KCNMA1: variants seen among roughly 807,000 people sequenced by gnomAD.
KCNMA1 encodes the protein potassium calcium-activated channel subfamily M alpha 1, also known as Calcium-activated potassium channel subunit alpha-1.
A neutral mutation model predicts 140.0 loss-of-function variants in KCNMA1; 29 were observed. That is an observed-to-expected ratio of 0.21 (90% CI 0.15 to 0.28). KCNMA1 has a LOEUF of 0.28. Ranked by LOEUF, KCNMA1 falls within the 10% of genes least tolerant of loss-of-function variation. KCNMA1 has a pLI of 1.00. For synonymous variants in KCNMA1, 612 were observed against 611.9 expected (o/e 1.00, Z 0.00); for missense variants, 880 against 1,602.2 (o/e 0.55, Z 7.70).
rs199706896 is a variant in KCNMA1 at position 76,886,166 on chromosome 10, G to A, written c.*1100C>T. On this transcript the variant is annotated 3_prime_UTR_variant, in exon 28 of 28. Coordinates refer to ENST00000286628, the MANE Select transcript of KCNMA1 (RefSeq NM_001161352.2). ...TCCTAGAAAAGCATGATCTGCAGCT[G>A]GGTTTGTCTTCCTCTCACTCTACCA... The A allele has an allele frequency of 1.2e-4, 119 of 985,356 alleles. No homozygotes were observed. In the East Asian group the frequency reaches 9.1e-3, roughly 75 times the overall value. 61.0% of individuals were successfully genotyped at this position (985,356 alleles called of 1,614,324 possible).
At chr10:77,161,000 A>T (rs1597528382) in intron 5 of KCNMA1, among the ~76,000 whole-genome samples, 1 of 152,162 alleles carries the variant, frequency 6.6e-6, no homozygotes, top group African/African-American at 2.4e-5. Context: ...CTATTTTTCT[A>T]AAAGGCCCAG....
intron 1 of KCNMA1, among the ~76,000 whole-genome samples, chr10:77,581,324 T>TA (rs1328837448): frequency 1.3e-5 from 2 of 151,498 alleles, no homozygotes; most frequent in African/African-American, 2.4e-5. Context: ...ACTTTTTTTT[T>TA]TTTGAGACAG....
chr10:77,353,985 TGGG>T (rs2093210075), intron 2 of KCNMA1, among the ~76,000 whole-genome samples: 1 of 11,996 alleles, frequency 8.3e-5, no homozygotes, highest in Non-Finnish European at 2.2e-4. Context: ...GGGGGGGTGG[TGGG>T]GGTGGAGGGG....
At chr10:77,376,730 G>A (rs1330018949) in intron 2 of KCNMA1, 1 of 151,514 alleles carries the variant, frequency 6.6e-6, no homozygotes, top group African/African-American at 2.4e-5. Context: ...CTGAGGTCAG[G>A]TATTCAAGAC....
At chr10:76,990,745 G>A (rs866912259) in intron 19 of KCNMA1, among the ~76,000 whole-genome samples, 1 of 152,168 alleles carries the variant, frequency 6.6e-6, no homozygotes, top group African/African-American at 2.4e-5. Flanking sequence ...AGTTGGATAC[G>A]TTACAGGCCA....
intron 6 of KCNMA1, among the ~76,000 whole-genome samples, chr10:77,116,673 A>G (rs1003928248): frequency 2.6e-5 from 4 of 152,020 alleles, no homozygotes; most frequent in African/African-American, 9.7e-5. Flanking sequence ...AATTCTGCCA[A>G]TTCAATCCCT....
chr10:76,897,049 A>G (rs1482794123), intron 25 of KCNMA1, among the ~76,000 whole-genome samples: 1 of 116,390 alleles, frequency 8.6e-6, no homozygotes, highest in South Asian at 2.4e-4. Flanking sequence ...CACACACACA[A>G]TTAGTGATAC....
intron 1 of KCNMA1, among the ~76,000 whole-genome samples, chr10:77,534,336 G>A (rs1453934244): frequency 6.6e-6 from 1 of 152,138 alleles, no homozygotes; most frequent in Non-Finnish European, 1.5e-5. Flanking sequence ...TAGTAACTGG[G>A]AGGCAGAAGG....
intron 1 of KCNMA1, among the ~76,000 whole-genome samples, chr10:77,554,607 A>G: frequency 6.6e-6 from 1 of 150,570 alleles, no homozygotes; most frequent in East Asian, 1.9e-4. Context: ...CAAAAAAAAA[A>G]AAAAAAAAAA....
Position 77,199,630 on chromosome 10 carries a change from A to G in KCNMA1, c.603-14714T>C, listed in dbSNP as rs1438715314. 3.3e-5 allele frequency among the ~76,000 whole-genome samples: 5 copies of G among 152,324 alleles called. No individual in the cohort carries two copies. The East Asian group carries it at 5.8e-4, about 18-fold the overall frequency. The stretch of plus-strand genomic sequence containing the variant: ...TAGTACTCAAATATAAGTAAGAAGC[A>G]AAGGACTCTGGAAGCAGAAGATCGC... On this transcript the variant is annotated intron_variant, in intron 3 of 27. Coordinates refer to ENST00000286628, the MANE Select transcript of KCNMA1 (RefSeq NM_001161352.2).
At chr10:77,032,016 T>C (rs1399122008) in intron 15 of KCNMA1, among the ~76,000 whole-genome samples, 1 of 152,204 alleles carries the variant, frequency 6.6e-6, no homozygotes, top group Non-Finnish European at 1.5e-5. Context: ...TAGCTTGTCT[T>C]ATTTGTTAGA....
chr10:77,514,417 C>T (rs1337665307), intron 1 of KCNMA1, among the ~76,000 whole-genome samples: 1 of 152,180 alleles, frequency 6.6e-6, no homozygotes, highest in African/African-American at 2.4e-5. Context: ...CTGGCTTGCC[C>T]AGGTGGTACA....
At chr10:77,601,525 G>A (rs2082638749) in intron 1 of KCNMA1, among the ~76,000 whole-genome samples, 1 of 152,142 alleles carries the variant, frequency 6.6e-6, no homozygotes, top group South Asian at 2.1e-4. Flanking sequence ...TATACCCGTG[G>A]ATTACATATT....
intron 23 of KCNMA1, among the ~76,000 whole-genome samples, chr10:76,917,909 G>A (rs533773832): frequency 2.6e-5 from 4 of 152,270 alleles, no homozygotes; most frequent in Non-Finnish European, 4.4e-5. Context: ...TTCCTTAAAT[G>A]GCTTTGGAGA....
intron 1 of KCNMA1, among the ~76,000 whole-genome samples, chr10:77,549,478 A>G (rs1231845754): frequency 1.3e-5 from 2 of 152,196 alleles, no homozygotes; most frequent in East Asian, 1.9e-4. Context: ...TGATCCTCCT[A>G]TCTGCCTCTT....
chr10:77,600,748 AAC>A (rs60159761), intron 1 of KCNMA1, among the ~76,000 whole-genome samples: 36 of 150,390 alleles, frequency 2.4e-4, no homozygotes, highest in Admixed American at 1.1e-3. Context: ...CTCCATCTCA[AAC>A]ACACACACAC....
chr10:77,551,691 C>CT (rs1354806566), intron 1 of KCNMA1, among the ~76,000 whole-genome samples: 3 of 152,202 alleles, frequency 2.0e-5, no homozygotes, highest in African/African-American at 7.2e-5. Context: ...TAGGATTCGA[C>CT]TGATGCTGCA....
At chr10:77,428,368 C>G (rs1480849457) in intron 1 of KCNMA1, among the ~76,000 whole-genome samples, 3 of 152,148 alleles carry the variant, frequency 2.0e-5, no homozygotes, top group Non-Finnish European at 4.4e-5. Flanking sequence ...TCTGATGAGA[C>G]TTAGTCTCTA....
At chr10:77,575,690 G>T (rs1168500669) in intron 1 of KCNMA1, among the ~76,000 whole-genome samples, 1 of 152,246 alleles carries the variant, frequency 6.6e-6, no homozygotes, top group Non-Finnish European at 1.5e-5. Flanking sequence ...CACCCGGGGA[G>T]CATCTGAAGT....
Sources: gnomAD v4.1 joint callset for allele counts (sites outside exome capture counted in the v4.1 genomes callset) on GRCh38, gnomAD v4.1.1 for gene constraint, MANE v1.5 for transcripts, NCBI Gene and HGNC (gene_info 2026-07-23, HGNC 2026-07-21) for gene names.